NRDC: variants seen among roughly 807,000 people sequenced by gnomAD.
NRDC encodes the protein nardilysin convertase.
In NRDC, 54 loss-of-function variants were observed where a neutral mutation model predicts 147.1. The observed-to-expected ratio is 0.37, with a 90% CI of 0.29 to 0.46. NRDC has a LOEUF of 0.46. Ranked by LOEUF, NRDC falls within the 20% of genes least tolerant of loss-of-function variation. The probability of loss-of-function intolerance (pLI) is 1.00; values close to 1 mark genes in which losing one functional copy is unlikely to be tolerated. For synonymous variants in NRDC, 440 were observed against 482.1 expected (o/e 0.91, Z 1.14); for missense variants, 1,082 against 1,370.6 (o/e 0.79, Z 3.33).
At chr1:51,810,442 T>C (rs751543097) in intron 15 of NRDC, 38 bp from the exon 16 acceptor site, 50 of 1,582,114 alleles carry the variant, frequency 3.2e-5, no homozygotes, top group Non-Finnish European at 3.9e-5. Context: ...ATACACACAA[T>C]TTTAACCTAA....
At chr1:51,819,244 G>A (rs1432477816) in intron 9 of NRDC, among the ~76,000 whole-genome samples, 5 of 151,498 alleles carry the variant, frequency 3.3e-5, no homozygotes, top group Non-Finnish European at 5.9e-5. Flanking sequence ...GAAGCAGTGA[G>A]CTGAGATCAT....
At chr1:51,791,783 C>T in intron 26 of NRDC, 122 bp from the exon 27 acceptor site, 2 of 813,350 alleles carry the variant, frequency 2.5e-6, no homozygotes, top group Non-Finnish European at 4.0e-6. Context: ...AGTCCTGAAA[C>T]AGGACCCAAA....
At chr1:51,854,621 A>T (rs1413979166) in intron 1 of NRDC, among the ~76,000 whole-genome samples, 1 of 152,142 alleles carries the variant, frequency 6.6e-6, no homozygotes, top group African/African-American at 2.4e-5. Context: ...ACAAGCAGGT[A>T]ACAGTAACAA....
At chr1:51,840,559 T>C in intron 1 of NRDC, 45 bp from the exon 2 acceptor site, 2 of 1,301,456 alleles carry the variant, frequency 1.5e-6, no homozygotes, top group Middle Eastern at 1.9e-4. Context: ...TCAGCTGTTC[T>C]TTACACCAAT....
At chr1:51,859,438 G>A (rs1021062599) in intron 1 of NRDC, among the ~76,000 whole-genome samples, 36 of 152,234 alleles carry the variant, frequency 2.4e-4, no homozygotes, top group African/African-American at 8.0e-4. Context: ...GAGGCATGAG[G>A]ACACATTCTC....
At chr1:51,877,518 C>T (rs1683391880) in intron 1 of NRDC, among the ~76,000 whole-genome samples, 1 of 152,124 alleles carries the variant, frequency 6.6e-6, no homozygotes, top group African/African-American at 2.4e-5. Flanking sequence ...CACGCACACA[C>T]ACACACGCAA....
chr1:51,866,223 A>C (rs1682797970), intron 1 of NRDC, among the ~76,000 whole-genome samples: 1 of 151,962 alleles, frequency 6.6e-6, no homozygotes, highest in South Asian at 2.1e-4. Flanking sequence ...CCTTATCTTT[A>C]AAAAAAAGAA....
intron 2 of NRDC, among the ~76,000 whole-genome samples, chr1:51,837,245 ATTGT>A (rs1440523893): frequency 6.6e-6 from 1 of 152,218 alleles, no homozygotes; most frequent in East Asian, 1.9e-4. Context: ...GGTGAAACAG[ATTGT>A]TTTAATAAAC....
intron 2 of NRDC, chr1:51,837,575 G>A (rs772036202): frequency 6.3e-7 from 1 of 1,593,996 alleles, no homozygotes; most frequent in Non-Finnish European, 8.6e-7. Flanking sequence ...TTAAACCACA[G>A]TCTATCAGTC....
chr1:51,810,659 A>C (rs1361318089), intron 15 of NRDC, among the ~76,000 whole-genome samples: 7 of 152,248 alleles, frequency 4.6e-5, no homozygotes, highest in Non-Finnish European at 1.5e-5. Flanking sequence ...TAAATCCTAC[A>C]TATTAACAGC....
intron 22 of NRDC, 197 bp downstream of exon 22, chr1:51,798,052 G>A (rs1679014484): frequency 9.5e-6 from 5 of 527,826 alleles, no homozygotes; most frequent in East Asian, 8.9e-5. Context: ...TTACAGGCGT[G>A]AGCCATCATT....
intron 1 of NRDC, among the ~76,000 whole-genome samples, chr1:51,861,330 CTTCT>C (rs1235038795): frequency 2.0e-5 from 2 of 98,292 alleles, no homozygotes; most frequent in Admixed American, 1.2e-4. Context: ...ATCTCTTCTT[CTTCT>C]TTTTTTTTTT....
At chr1:51,842,816 C>T (rs1357837901) in intron 1 of NRDC, among the ~76,000 whole-genome samples, 1 of 151,696 alleles carries the variant, frequency 6.6e-6, no homozygotes, top group African/African-American at 2.4e-5. Context: ...CTATAATCCC[C>T]GCACTTTGGG....
At chr1:51,833,157 T>G (rs554246363) in intron 4 of NRDC, among the ~76,000 whole-genome samples, 8 of 152,250 alleles carry the variant, frequency 5.3e-5, no homozygotes, top group African/African-American at 1.9e-4. Flanking sequence ...CCATATTTTC[T>G]ACTAAATTCT....
intron 4 of NRDC, among the ~76,000 whole-genome samples, chr1:51,832,646 G>A (rs909517941): frequency 2.0e-5 from 3 of 151,432 alleles, no homozygotes; most frequent in Non-Finnish European, 2.9e-5. Context: ...ACTTTTTTCC[G>A]GGGTAGACTT....
chr1:51,830,467 A>T (rs1192007530), intron 4 of NRDC, among the ~76,000 whole-genome samples: 1 of 152,196 alleles, frequency 6.6e-6, no homozygotes, highest in East Asian at 1.9e-4. Flanking sequence ...GAAGGAAGGC[A>T]TCTTCCTTTT....
chr1:51,839,020 A>G (rs1270700842), intron 2 of NRDC, among the ~76,000 whole-genome samples: 1 of 152,160 alleles, frequency 6.6e-6, no homozygotes, highest in African/African-American at 2.4e-5. Flanking sequence ...ATATTACTCA[A>G]TCCAACAACT....
At chr1:51,792,351 C>T (rs1377012151) in intron 25 of NRDC, 26 bp downstream of exon 25, 3 of 1,611,064 alleles carry the variant, frequency 1.9e-6, no homozygotes, top group South Asian at 1.1e-5. Context: ...CTGCTGAAAA[C>T]CTCAGCATCT....
chr1:51,877,621 AGAG>A (rs1320790155), intron 1 of NRDC, among the ~76,000 whole-genome samples: 2 of 152,352 alleles, frequency 1.3e-5, no homozygotes, highest in Non-Finnish European at 2.9e-5. Context: ...AGAAATGTTT[AGAG>A]AACTCCTGTA....
Sources: allele counts gnomAD v4.1 joint callset (sites outside exome capture counted in the v4.1 genomes callset), GRCh38; gene constraint gnomAD v4.1.1; transcripts MANE v1.5; gene names NCBI Gene and HGNC (gene_info 2026-07-23, HGNC 2026-07-21).